UBE4B: variants seen among roughly 807,000 people sequenced by gnomAD.
The protein encoded by UBE4B is ubiquitin conjugation factor E4 B.
UBE4B carries 27 observed loss-of-function variants against 148.1 expected under a neutral mutation model. The observed-to-expected ratio is 0.18, with a 90% CI of 0.13 to 0.25. UBE4B has a LOEUF of 0.25. Among genes scored for constraint, UBE4B ranks in the 10% least tolerant of loss-of-function variants. The pLI is 1.00. For missense variants in UBE4B, 1,170 were observed against 1,662.4 expected, an observed-to-expected ratio of 0.70 and a Z score of 5.15; for synonymous variants, 596 against 619.3, an observed-to-expected ratio of 0.96 and a Z score of 0.56.
At chr1:10,078,964 G>A (rs941926312) in intron 2 of UBE4B, among the ~76,000 whole-genome samples, 4 of 152,100 alleles carry the variant, frequency 2.6e-5, no homozygotes, top group Admixed American at 6.6e-5. Context: ...CTACAGGTGC[G>A]CGCCACCATG....
rs1044216461 is a variant in UBE4B at position 10,106,431 on chromosome 1, G to A, written c.1044G>A (p.Ser348=). 13 of 1,613,462 alleles carry A rather than the reference G, an allele frequency of 8.1e-6. No individual in the cohort carries two copies. The Admixed American group carries it at 1.5e-4, about 19-fold the overall frequency. Residue 348 remains serine, a synonymous_variant, in exon 7 of 28, where the codon TCG becomes TCA. Coordinates refer to ENST00000343090, the MANE Select transcript of UBE4B (RefSeq NM_001105562.3). The surrounding 1 kb of genome is among the most constrained non-coding windows in gnomAD (Gnocchi z 4.2). Reference sequence around the variant, plus strand: ...CGTCCTCAGGCGTCTCCATTCTGTCGAGCTCCCCAAGTCCCCCTGCCCTCG... The same window carrying A: ...CGTCCTCAGGCGTCTCCATTCTGTCAAGCTCCCCAAGTCCCCCTGCCCTCG... ...PWASSGVSIL[S]SSPSPPALAS... is the part of the protein sequence containing the mutation.
chr1:10,085,740 T>G (rs974457791), intron 2 of UBE4B, among the ~76,000 whole-genome samples: 1 of 152,188 alleles, frequency 6.6e-6, no homozygotes, highest in Non-Finnish European at 1.5e-5. Flanking sequence ...GTGCATTTGA[T>G]GCAGCCACCA....
chr1:10,072,129 A>G lies in UBE4B; in HGVS notation c.126A>G (p.Ile42Met), dbSNP rs1644497224. 1.2e-6 allele frequency: 2 copies of G among 1,613,682 alleles called. No homozygotes were observed. Among genetic ancestry groups the G allele is most frequent in the African/African-American group, 2.7e-5 (2 of 74,998 alleles). Residue 42 changes from isoleucine to methionine, a missense_variant, in exon 2 of 28, where the codon ATA becomes ATG. Physicochemically the swap from Ile to Met is conservative, Grantham distance 10 (BLOSUM62 1). Coordinates refer to ENST00000343090, the MANE Select transcript of UBE4B (RefSeq NM_001105562.3). The part of the protein sequence containing the change: ...PQRENPPGPP[I>M]AASAPGPSQS... ...GGGAGAACCCTCCGGGGCCTCCCAT[A>G]GCGGCATCAGCCCCAGGACCCTCTC...
chr1:10,104,212 A>G (rs1354725696), intron 5 of UBE4B, among the ~76,000 whole-genome samples: 1 of 152,238 alleles, frequency 6.6e-6, no homozygotes, highest in Non-Finnish European at 1.5e-5. Context: ...GCAAGATAGA[A>G]CATAATGACA....
At chr1:10,064,672 C>T (rs533236155) in intron 1 of UBE4B, among the ~76,000 whole-genome samples, 1 of 152,116 alleles carries the variant, frequency 6.6e-6, no homozygotes, top group African/African-American at 2.4e-5. Context: ...GCTAGTCCAT[C>T]TCTGTGCCTA....
At chr1:10,060,934 A>G (rs911447384) in intron 1 of UBE4B, among the ~76,000 whole-genome samples, 7 of 151,794 alleles carry the variant, frequency 4.6e-5, no homozygotes, top group Non-Finnish European at 1.0e-4. Context: ...TTTGTAGAGA[A>G]GTCATCTTAC....
chr1:10,099,954 G>A (rs1012784002), intron 3 of UBE4B, among the ~76,000 whole-genome samples: 48 of 151,940 alleles, frequency 3.2e-4, no homozygotes, highest in Middle Eastern at 6.8e-3. Flanking sequence ...TAAGACTTCA[G>A]TTGAGTTTTT....
chr1:10,087,458 A>G (rs1336919136), intron 2 of UBE4B, among the ~76,000 whole-genome samples: 1 of 152,240 alleles, frequency 6.6e-6, no homozygotes, highest in Non-Finnish European at 1.5e-5. Context: ...TAAACTAAAC[A>G]TGAGTCTCCT....
At chr1:10,069,437 C>G (rs1201334675) in intron 1 of UBE4B, among the ~76,000 whole-genome samples, 1 of 152,134 alleles carries the variant, frequency 6.6e-6, no homozygotes, top group East Asian at 1.9e-4. Flanking sequence ...ATAAATATAT[C>G]ACACATGTCA....
At chr1:10,118,735 C>T (rs1043336531) in intron 8 of UBE4B, among the ~76,000 whole-genome samples, 2 of 151,694 alleles carry the variant, frequency 1.3e-5, no homozygotes, top group African/African-American at 2.4e-5. Context: ...AACTCCCGAC[C>T]TCATGTGATC....
At chr1:10,126,030 G>A (rs939112875) in intron 10 of UBE4B, among the ~76,000 whole-genome samples, 6 of 152,218 alleles carry the variant, frequency 3.9e-5, no homozygotes, top group African/African-American at 7.2e-5. Context: ...GCCAAGCGCG[G>A]TAGCTCATGC....
chr1:10,130,601 C>A lies in UBE4B; in HGVS notation c.1797C>A (p.Val599=), dbSNP rs1475608910. The A allele has an allele frequency of 8.1e-6, 13 of 1,614,130 alleles. No homozygotes were observed. Among genetic ancestry groups the A allele is most frequent in the Non-Finnish European group, 1.1e-5 (13 of 1,179,990 alleles). The change falls in exon 13 of 28, where the codon GTC becomes GTA. Residue 599 remains valine (V), a synonymous_variant. Coordinates refer to ENST00000343090, the MANE Select transcript of UBE4B (RefSeq NM_001105562.3). ...TAGGGGCTTTCTTTAGCTTCTCAGT[C>A]TTTGCAGAAGATGATGTAAGTATAG... ...SYLGAFFSFS[V]FAEDDVKVVE...
At chr1:10,145,133 C>T in intron 18 of UBE4B, 94 bp downstream of exon 18, 1 of 913,614 alleles carries the variant, frequency 1.1e-6, no homozygotes. Flanking sequence ...TTAGTGTCCT[C>T]ACTTTTTCTT....
chr1:10,101,073 A>T lies in UBE4B; in HGVS notation c.348-35A>T, dbSNP rs749754939. On this transcript the variant is annotated intron_variant, in intron 3 of 27. Transcript: ENST00000343090. The stretch of plus-strand genomic sequence containing the variant: ...ACAGTGACATTGTGCGGATTTATAA[A>T]AGGTAAAAGGCTTGTTTGTCTTTTG... 6.3e-6 allele frequency: 10 copies of T among 1,595,658 alleles called. No homozygotes were observed. In the African/African-American group the frequency reaches 8.1e-5, roughly 13 times the overall value.
intron 1 of UBE4B, among the ~76,000 whole-genome samples, chr1:10,044,770 A>G (rs1643879923): frequency 6.6e-6 from 1 of 151,248 alleles, no homozygotes; most frequent in East Asian, 1.9e-4. Flanking sequence ...TTTGATAGAG[A>G]TAGAGTTTTA....
intron 1 of UBE4B, among the ~76,000 whole-genome samples, chr1:10,040,833 G>C (rs6541076): frequency 0.63 from 95,632 of 151,722 alleles, 32,560 homozygotes; most frequent in African/African-American, 0.91. Flanking sequence ...TTGGCTTGGC[G>C]GGTCTCAAAC....
intron 2 of UBE4B, among the ~76,000 whole-genome samples, chr1:10,076,651 T>C (rs1042305300): frequency 2.6e-5 from 4 of 151,988 alleles, no homozygotes; most frequent in African/African-American, 7.2e-5. Flanking sequence ...TTAGTTGGGC[T>C]GTTTTCAGTT....
chr1:10,118,247 G>A (rs986362239), intron 8 of UBE4B, among the ~76,000 whole-genome samples: 2 of 152,086 alleles, frequency 1.3e-5, no homozygotes, highest in African/African-American at 2.4e-5. Context: ...TTGCCCACTG[G>A]TTAGTTTCAT....
At chr1:10,176,978 G>A (rs1304541115) in intron 25 of UBE4B, among the ~76,000 whole-genome samples, 2 of 149,976 alleles carry the variant, frequency 1.3e-5, no homozygotes, top group Non-Finnish European at 3.0e-5. Context: ...TAGTAGAGAC[G>A]GGGTTTCACC....
Sources: gnomAD v4.1 joint callset for allele counts (sites outside exome capture counted in the v4.1 genomes callset) on GRCh38, gnomAD v4.1.1 for gene constraint, Gnocchi (gnomAD v3.1) non-coding constraint, MANE v1.5 for transcripts, NCBI Gene and HGNC (gene_info 2026-07-23, HGNC 2026-07-21) for gene names.